NNMT: variants seen among roughly 807,000 people sequenced by gnomAD.
The protein encoded by NNMT is nicotinamide N-methyltransferase.
Under a neutral mutation model 11.7 loss-of-function variants are expected in NNMT, and 10 were observed. That is an observed-to-expected ratio of 0.85 (90% CI 0.53 to 1.45). NNMT has a LOEUF of 1.45. Ranked by LOEUF, NNMT falls within the 40% of genes most tolerant of loss-of-function variation. The pLI is 0.00. For synonymous variants in NNMT, 143 were observed against 133.8 expected (o/e 1.07, Z -0.48); for missense variants, 381 against 319.4 (o/e 1.19, Z -1.47).
intron 1 of NNMT, among the ~76,000 whole-genome samples, chr11:114,258,963 T>G (rs1428571808): frequency 1.3e-5 from 2 of 152,184 alleles, no homozygotes; most frequent in Non-Finnish European, 2.9e-5. Flanking sequence ...TTTTCACTTT[T>G]CAGCTCAAAC....
At chr11:114,312,024 C>G in intron 2 of NNMT, 21 bp from the exon 3 acceptor site, 4 of 1,537,360 alleles carry the variant, frequency 2.6e-6, no homozygotes, top group Non-Finnish European at 3.5e-6. Flanking sequence ...AAAACAATGT[C>G]TGTGGGTTTG....
chr11:114,276,382 G>A (rs962976828), intron 2 of NNMT, among the ~76,000 whole-genome samples: 18 of 152,196 alleles, frequency 1.2e-4, no homozygotes, highest in Admixed American at 2.0e-4. Context: ...TCTGTGGCCC[G>A]GCGAAGGGAC....
chr11:114,288,418 T>C (rs1945313328), intron 2 of NNMT, among the ~76,000 whole-genome samples: 1 of 151,098 alleles, frequency 6.6e-6, no homozygotes, highest in South Asian at 2.1e-4. Context: ...TTGTTGTGAA[T>C]GGATATAGAA....
At chr11:114,280,159 G>A (rs958487153) in intron 2 of NNMT, among the ~76,000 whole-genome samples, 1 of 152,174 alleles carries the variant, frequency 6.6e-6, no homozygotes, top group South Asian at 2.1e-4. Flanking sequence ...TTCTAGTTGG[G>A]AAGGGAAGGG....
intron 2 of NNMT, among the ~76,000 whole-genome samples, chr11:114,280,774 C>T (rs967108949): frequency 1.3e-5 from 2 of 152,136 alleles, no homozygotes; most frequent in African/African-American, 2.4e-5. Flanking sequence ...CTTTCACTCT[C>T]TGGGCACAAG....
chr11:114,269,131 A>T (rs768057174), intron 2 of NNMT, among the ~76,000 whole-genome samples: 8 of 152,212 alleles, frequency 5.3e-5, no homozygotes, highest in Non-Finnish European at 1.0e-4. Flanking sequence ...CTAGAGCCAG[A>T]TTTTGAATCT....
intron 2 of NNMT, among the ~76,000 whole-genome samples, chr11:114,284,351 C>G (rs926132773): frequency 2.6e-5 from 4 of 152,242 alleles, no homozygotes; most frequent in African/African-American, 9.6e-5. Flanking sequence ...GCCTGGACAC[C>G]TCGTGGCTGG....
At chr11:114,270,913 C>T (rs149707457) in intron 2 of NNMT, among the ~76,000 whole-genome samples, 106 of 151,996 alleles carry the variant, frequency 7.0e-4, no homozygotes, top group African/African-American at 2.4e-3. Flanking sequence ...TAGCTGGGAT[C>T]AAAAGCATGC....
At position 114,258,842 on chromosome 11, in the gene NNMT, C is replaced by A. The variant is rs540236595; in HGVS notation, c.-217+964C>A. Among the ~76,000 whole-genome samples the A allele has an allele frequency of 3.9e-5, 6 of 152,298 alleles. No homozygotes were observed. In the South Asian group the frequency reaches 1.0e-3, roughly 26 times the overall value. On this transcript the variant is annotated intron_variant, in intron 1 of 4. Transcript: ENST00000535401. ...TCCAGCCGATGGGACCACGGGTGTT[C>A]TGGGCCACACCGAGCTCCATTCCCC...
chr11:114,305,292 G>C (rs1362726967), intron 2 of NNMT, among the ~76,000 whole-genome samples: 1 of 152,136 alleles, frequency 6.6e-6, no homozygotes, highest in African/African-American at 2.4e-5. Context: ...CTTGACAGCA[G>C]GTGGGGCATG....
At chr11:114,290,540 G>T (rs1945327753) in intron 2 of NNMT, among the ~76,000 whole-genome samples, 1 of 152,170 alleles carries the variant, frequency 6.6e-6, no homozygotes, top group Non-Finnish European at 1.5e-5. Context: ...TCTGATGCAG[G>T]GGGGATTAAT....
chr11:114,302,455 C>T (rs1043700823), intron 2 of NNMT, among the ~76,000 whole-genome samples: 1 of 152,102 alleles, frequency 6.6e-6, no homozygotes. Flanking sequence ...ATTTCCTTAA[C>T]CGACTTTCCT....
At position 114,298,177 on chromosome 11, in the gene NNMT, A is replaced by G. The variant is rs1945403462; in HGVS notation, c.362+19A>G. On this transcript the variant is annotated intron_variant, in intron 2 of 2. Coordinates refer to ENST00000299964, the MANE Select transcript of NNMT (RefSeq NM_006169.3). ...GGAACAGGTAGAGAAACTGGTGTCTACTTCTTGGCTTTTGAAGGTACCTGA... is the reference window on the plus strand; with the variant it reads ...GGAACAGGTAGAGAAACTGGTGTCTGCTTCTTGGCTTTTGAAGGTACCTGA... 6.2e-7 allele frequency: 1 copy of G among 1,611,360 alleles called. No individual in the cohort carries two copies. Among genetic ancestry groups the G allele is most frequent in the Non-Finnish European group, 8.5e-7 (1 of 1,177,868 alleles).
chr11:114,296,299 C>T (rs540892276), upstream of NNMT: 16 of 405,496 alleles, frequency 3.9e-5, no homozygotes, highest in South Asian at 5.5e-4. Context: ...CATGGCCCTC[C>T]CTCTACCATA....
chr11:114,291,609 C>T (rs922707511), upstream of NNMT, among the ~76,000 whole-genome samples: 7 of 152,136 alleles, frequency 4.6e-5, no homozygotes, highest in African/African-American at 1.2e-4. Context: ...GCTCAATGCA[C>T]GGCTCATCTC....
At chr11:114,264,820 T>G (rs79925152) in intron 2 of NNMT, among the ~76,000 whole-genome samples, 6,799 of 152,254 alleles carry the variant, frequency 0.045, 166 homozygotes, top group East Asian at 0.074. Context: ...ATAAAAGATA[T>G]TACAAAGGAT....
intron 1 of NNMT, among the ~76,000 whole-genome samples, chr11:114,260,525 C>G (rs1945069898): frequency 1.3e-5 from 2 of 152,208 alleles, no homozygotes; most frequent in South Asian, 4.1e-4. Context: ...ACTCACACAT[C>G]CAGGGATGTC....
At chr11:114,304,415 T>A (rs534311669) in intron 2 of NNMT, among the ~76,000 whole-genome samples, 4 of 152,204 alleles carry the variant, frequency 2.6e-5, no homozygotes, top group Non-Finnish European at 4.4e-5. Flanking sequence ...CCCCTCCCAA[T>A]CACTCTGTTG....
At chr11:114,299,671 T>C (rs1252142620) in intron 2 of NNMT, among the ~76,000 whole-genome samples, 1 of 152,224 alleles carries the variant, frequency 6.6e-6, no homozygotes, top group African/African-American at 2.4e-5. Flanking sequence ...GAGAGAAGAC[T>C]TTATTAAAAA....
Sources: allele counts gnomAD v4.1 joint callset (sites outside exome capture counted in the v4.1 genomes callset), GRCh38; gene constraint gnomAD v4.1.1; transcripts MANE v1.5; gene names NCBI Gene and HGNC (gene_info 2026-07-23, HGNC 2026-07-21).